The following IGF2BP3 variants were observed in gnomAD, a reference collection of about 807,000 sequenced individuals.
IGF2BP3 encodes insulin-like growth factor 2 mRNA-binding protein 3.
IGF2BP3 carries 9 observed loss-of-function variants against 73.8 expected under a neutral mutation model. That is an observed-to-expected ratio of 0.12 (90% CI 0.07 to 0.21). IGF2BP3 has a LOEUF of 0.21. IGF2BP3 is among the 10% of genes least tolerant of loss of function. The pLI, the probability that IGF2BP3 is intolerant of heterozygous loss-of-function variation, is 1.00. For missense variants in IGF2BP3, 542 were observed against 714.0 expected, an observed-to-expected ratio of 0.76 and a Z score of 2.75; for synonymous variants, 258 against 256.7, an observed-to-expected ratio of 1.01 and a Z score of -0.05.
At chr7:23,409,286 C>T (rs1213549340) in intron 3 of IGF2BP3, among the ~76,000 whole-genome samples, 1 of 152,126 alleles carries the variant, frequency 6.6e-6, no homozygotes, top group African/African-American at 2.4e-5. Flanking sequence ...TGAAATAAGC[C>T]AGTCATAAAA....
Position 23,312,700 on chromosome 7 carries a change from G to C in IGF2BP3, c.1641+35C>G, listed in dbSNP as rs372086664. On this transcript the variant is annotated intron_variant, in intron 14 of 14. Transcript: ENST00000258729. ...CTGTGGGAGAATTGCTTCCACGTGA[G>C]AAAGATACAATAGCTTATTTTAGAG... The C allele has an allele frequency of 1.5e-5, 22 of 1,429,252 alleles. No individual in the cohort carries two copies. In the African/African-American group the frequency reaches 2.7e-4, roughly 17 times the overall value. The allele number at this position is 1,429,252 out of a possible 1,614,324, so 88.5% of individuals were successfully genotyped here.
At position 23,469,913 on chromosome 7, in the gene IGF2BP3, G is replaced by A; in HGVS notation, c.175+23C>T. ...GGTGCAGGGCTGGGGCGAGAGCCCG[G>A]GTGGGGCCAGGCCCGGGCCCACCTG... On this transcript the variant is annotated intron_variant, in intron 1 of 14. Transcript: ENST00000258729. The surrounding 1 kb of genome is among the most constrained non-coding windows in gnomAD (Gnocchi z 6.1). 1 of 1,582,868 alleles carries A rather than the reference G, an allele frequency of 6.3e-7. No homozygotes were observed. Among genetic ancestry groups the A allele is most frequent in the Non-Finnish European group, 8.6e-7 (1 of 1,166,600 alleles).
intron 3 of IGF2BP3, among the ~76,000 whole-genome samples, chr7:23,384,257 T>A (rs190889705): frequency 1.1e-3 from 168 of 151,784 alleles, no homozygotes; most frequent in African/African-American, 4.0e-3. Flanking sequence ...ATAGAAAGAT[T>A]AGCAGATGCT....
Position 23,313,611 on chromosome 7 carries a change from CAA to C in IGF2BP3, c.1436_1437del (p.Phe479CysfsTer2). The stretch of plus-strand genomic sequence containing the variant: ...AGTTTCACCTCTTCTTTAGGACTAA[CAA>C]AGTTTTCTTCTTTAATTTTTCCATA... ...RIYGKIKEEN[F>X]VSPKEEVKLE... is the part of the protein sequence containing the mutation. On this transcript the variant is annotated frameshift_variant, in exon 13 of 15. Transcript: ENST00000258729. LOFTEE classifies it high-confidence loss of function. The C allele has an allele frequency of 6.2e-7, 1 of 1,613,894 alleles. No individual in the cohort carries two copies. Among genetic ancestry groups the C allele is most frequent in the Non-Finnish European group, 8.5e-7 (1 of 1,179,928 alleles).
intron 5 of IGF2BP3, among the ~76,000 whole-genome samples, chr7:23,360,917 C>T (rs1727303814): frequency 6.6e-6 from 1 of 152,200 alleles, no homozygotes; most frequent in Admixed American, 6.5e-5. Flanking sequence ...GTGGGACCCC[C>T]ATTTCTCTCT....
At chr7:23,359,936 C>T (rs1363182874) in intron 5 of IGF2BP3, among the ~76,000 whole-genome samples, 1 of 151,490 alleles carries the variant, frequency 6.6e-6, no homozygotes, top group African/African-American at 2.4e-5. Context: ...ATGTCCGAGA[C>T]CTTATATAAA....
intron 12 of IGF2BP3, 141 bp from the exon 13 acceptor site, chr7:23,313,794 TAGAAG>T (rs1465489661): frequency 1.8e-5 from 14 of 793,428 alleles, no homozygotes; most frequent in East Asian, 1.3e-4. Flanking sequence ...GAAAATAACA[TAGAAG>T]AGAGCAGTTA....
chr7:23,381,478 T>G (rs73281628), intron 3 of IGF2BP3, among the ~76,000 whole-genome samples: 8,986 of 152,302 alleles, frequency 0.059, 876 homozygotes, highest in African/African-American at 0.2. Flanking sequence ...TTGAAGCTGG[T>G]TGACAGGTAC....
intron 10 of IGF2BP3, among the ~76,000 whole-genome samples, chr7:23,330,307 G>A (rs1167069250): frequency 6.7e-6 from 1 of 148,244 alleles, no homozygotes; most frequent in East Asian, 1.9e-4. Flanking sequence ...ATAAAATAAT[G>A]TATAATATTT....
At chr7:23,328,840 C>T (rs1315780879) in intron 10 of IGF2BP3, among the ~76,000 whole-genome samples, 2 of 152,112 alleles carry the variant, frequency 1.3e-5, no homozygotes, top group African/African-American at 4.8e-5. Context: ...ATGACAGAAG[C>T]CCAGTGAAAA....
At chr7:23,452,512 A>C (rs750309173) in intron 2 of IGF2BP3, among the ~76,000 whole-genome samples, 3 of 152,152 alleles carry the variant, frequency 2.0e-5, no homozygotes, top group Non-Finnish European at 4.4e-5. Flanking sequence ...TCCCTTTAAA[A>C]CATGGGTTCC....
intron 2 of IGF2BP3, among the ~76,000 whole-genome samples, chr7:23,428,264 G>C (rs1787569016): frequency 6.6e-6 from 1 of 152,006 alleles, no homozygotes; most frequent in African/African-American, 2.4e-5. Context: ...GAGGTCAGGA[G>C]ATTGAGAACA....
At chr7:23,448,895 GT>G (rs2128547600) in intron 2 of IGF2BP3, among the ~76,000 whole-genome samples, 1 of 152,036 alleles carries the variant, frequency 6.6e-6, no homozygotes, top group East Asian at 2.0e-4. Flanking sequence ...GCCTCCCAAA[GT>G]TCTGGAATTA....
intron 3 of IGF2BP3, among the ~76,000 whole-genome samples, chr7:23,376,754 G>C (rs1016294137): frequency 6.6e-6 from 1 of 152,082 alleles, no homozygotes; most frequent in Non-Finnish European, 1.5e-5. Flanking sequence ...TGTAGTCCCA[G>C]CTACACGACA....
At chr7:23,387,847 T>C (rs919249167) in intron 3 of IGF2BP3, among the ~76,000 whole-genome samples, 5 of 152,188 alleles carry the variant, frequency 3.3e-5, no homozygotes, top group African/African-American at 1.2e-4. Context: ...AATTTTAGAA[T>C]GGCTAATATT....
intron 10 of IGF2BP3, among the ~76,000 whole-genome samples, chr7:23,320,599 A>T (rs1438440041): frequency 4.7e-5 from 7 of 149,406 alleles, no homozygotes; most frequent in African/African-American, 1.7e-4. Flanking sequence ...AGAAATAGTT[A>T]TTGAAATGAG....
chr7:23,403,002 T>C (rs1159396191), intron 3 of IGF2BP3, among the ~76,000 whole-genome samples: 1 of 152,230 alleles, frequency 6.6e-6, no homozygotes, highest in African/African-American at 2.4e-5. Flanking sequence ...AAGTGTGCAG[T>C]ACAGCTTCAC....
intron 8 of IGF2BP3, among the ~76,000 whole-genome samples, chr7:23,345,180 T>C (rs930188677): frequency 1.3e-5 from 2 of 152,190 alleles, no homozygotes; most frequent in Admixed American, 1.3e-4. Flanking sequence ...TTTTGAGTAC[T>C]CTGAGTGAAA....
At chr7:23,360,499 G>C (rs1444344494) in intron 5 of IGF2BP3, among the ~76,000 whole-genome samples, 1 of 152,200 alleles carries the variant, frequency 6.6e-6, no homozygotes, top group East Asian at 1.9e-4. Flanking sequence ...AATACTGGGA[G>C]GAAGATTTGT....
Sources: gnomAD v4.1 joint callset for allele counts (sites outside exome capture counted in the v4.1 genomes callset) on GRCh38, gnomAD v4.1.1 for gene constraint, Gnocchi (gnomAD v3.1) non-coding constraint, MANE v1.5 for transcripts, NCBI Gene and HGNC (gene_info 2026-07-23, HGNC 2026-07-21) for gene names.